The following OTOF variants were observed in gnomAD, a reference collection of about 807,000 sequenced individuals.
The protein encoded by OTOF is otoferlin.
In OTOF, 218 loss-of-function variants were observed where a neutral mutation model predicts 236.8. The observed-to-expected ratio is 0.92, with a 90% CI of 0.82 to 1.03. The LOEUF (loss-of-function observed/expected upper bound fraction) is 1.03, where lower values mean the gene tolerates loss of function less well. Among genes scored for constraint, OTOF ranks in the 50% least tolerant of loss-of-function variants. The pLI, the probability that OTOF is intolerant of heterozygous loss-of-function variation, is 0.00. For synonymous variants in OTOF, 1,041 were observed against 1,072.5 expected (o/e 0.97, Z 0.57); for missense variants, 2,590 against 2,694.4 (o/e 0.96, Z 0.86).
intron 1 of OTOF, 127 bp downstream of exon 1, chr2:26,558,366 C>T (rs1484127138): frequency 3.2e-5 from 26 of 805,014 alleles, no homozygotes; most frequent in Non-Finnish European, 4.8e-5. Context: ...AAAGGCTCGT[C>T]GCCCCAGCCC....
At chr2:26,527,715 A>T in intron 3 of OTOF, 117 bp downstream of exon 3, 1 of 794,558 alleles carries the variant, frequency 1.3e-6, no homozygotes, top group East Asian at 2.4e-5. Context: ...AGATCAATCC[A>T]GGGCAGGTTG....
chr2:26,501,851 G>A (rs755353427), intron 7 of OTOF, 43 bp from the exon 8 acceptor site: 1 of 1,470,278 alleles, frequency 6.8e-7, no homozygotes, highest in East Asian at 2.3e-5. Context: ...TATGGGGACT[G>A]CTTGTTGGGG....
intron 32 of OTOF, among the ~76,000 whole-genome samples, chr2:26,469,167 A>G (rs1323194634): frequency 6.6e-6 from 1 of 152,254 alleles, no homozygotes; most frequent in Non-Finnish European, 1.5e-5. Flanking sequence ...AATGTACAAA[A>G]GTATAACAGT....
rs150580671 is a variant in OTOF at position 26,532,092 on chromosome 2, C to CAAAAAAAAAAAAAA, written c.139-4186_139-4173dup. The stretch of plus-strand genomic sequence containing the variant: ...TGGGTGACAGAGTAAGACTCCACCT[C>CAAAAAAAAAAAAAA]AAAAAAAAAAAAAAAAAAAAAAAGA... On this transcript the variant is annotated intron_variant, in intron 2 of 46. Transcript: ENST00000272371. 2.5e-3 allele frequency among the ~76,000 whole-genome samples: 204 copies of CAAAAAAAAAAAAAA among 80,188 alleles called. 11 individuals carry two copies. The highest frequency in any genetic ancestry group is 0.012 in the African/African-American group (184 of 15,816). The allele number at this position is 80,188 out of a possible 152,430, so 52.6% of individuals were successfully genotyped here.
Position 26,460,853 on chromosome 2 carries a change from G to T in OTOF, c.5711C>A (p.Thr1904Lys). 1 of 1,614,150 alleles carries T rather than the reference G, an allele frequency of 6.2e-7. No individual in the cohort carries two copies. The highest frequency in any genetic ancestry group is 8.5e-7 in the Non-Finnish European group (1 of 1,180,012). ...GCCCGAGCAGGAAGGGGTGCGCACC[G>T]TGAGCTCAAACTCATCGTTCTCATT... is the stretch of plus-strand genomic sequence containing the variant. ...ARNENDEFEL[T>K]GKVEAELHLL... The change falls in exon 44 of 47, where the codon ACG becomes AAG. Residue 1904 changes from threonine to lysine, a missense_variant and splice_region_variant. Coordinates refer to ENST00000272371, the MANE Select transcript of OTOF (RefSeq NM_194248.3). The surrounding 1 kb of genome is among the most constrained non-coding windows in gnomAD (Gnocchi z 5.3).
chr2:26,483,938 G>A (rs1310133669), intron 12 of OTOF, among the ~76,000 whole-genome samples: 3 of 152,208 alleles, frequency 2.0e-5, no homozygotes, highest in Non-Finnish European at 4.4e-5. Flanking sequence ...TTTGTAGATT[G>A]TACATTGGGA....
chr2:26,518,183 T>C (rs1348400619), intron 4 of OTOF, among the ~76,000 whole-genome samples: 1 of 152,226 alleles, frequency 6.6e-6, no homozygotes, highest in African/African-American at 2.4e-5. Flanking sequence ...CATGGCACAG[T>C]CCCATTTTAT....
At chr2:26,517,211 GGGCTTCCT>G (rs1666555424) in intron 4 of OTOF, among the ~76,000 whole-genome samples, 1 of 152,018 alleles carries the variant, frequency 6.6e-6, no homozygotes, top group Non-Finnish European at 1.5e-5. Context: ...AGTCATGATT[GGGCTTCCT>G]GCTCTGCGTC....
intron 16 of OTOF, 51 bp downstream of exon 16, chr2:26,480,152 G>C: frequency 9.5e-7 from 1 of 1,054,896 alleles, no homozygotes; most frequent in Non-Finnish European, 1.5e-6. Context: ...TGAAGCCCCC[G>C]TGGGCCCAGC....
chr2:26,459,992 G>A lies in OTOF; in HGVS notation c.*17+16C>T. The A allele has an allele frequency of 6.4e-7, 1 of 1,554,258 alleles. No homozygotes were observed. The highest frequency in any genetic ancestry group is 8.7e-7 in the Non-Finnish European group (1 of 1,149,030). ...CCTAGCCCTTGGTCCAGAGGAAGAA[G>A]TAAGAAATATCAGACCCAGGAGGCC... On this transcript the variant is annotated intron_variant, in intron 46 of 46. Transcript: ENST00000272371.
chr2:26,502,241 G>A, intron 7 of OTOF, 59 bp downstream of exon 7: 1 of 1,599,546 alleles, frequency 6.3e-7, no homozygotes, highest in Non-Finnish European at 8.6e-7. Flanking sequence ...ATCATGGCAA[G>A]CCAGGTCCTG....
chr2:26,481,295 G>A (rs947312450), intron 14 of OTOF, among the ~76,000 whole-genome samples: 3 of 152,224 alleles, frequency 2.0e-5, no homozygotes, highest in Non-Finnish European at 4.4e-5. Context: ...TCTACTTGTA[G>A]GACAGAGCCA....
chr2:26,459,683 T>C (rs1169941518), intron 46 of OTOF, among the ~76,000 whole-genome samples: 2 of 152,176 alleles, frequency 1.3e-5, no homozygotes, highest in African/African-American at 4.8e-5. Flanking sequence ...CTACCCTAAT[T>C]TGCTGGGTAA....
At chr2:26,483,388 G>T in intron 13 of OTOF, 74 bp downstream of exon 13, 2 of 1,381,936 alleles carry the variant, frequency 1.4e-6, no homozygotes, top group Non-Finnish European at 2.1e-6. Flanking sequence ...GCTGCCCCAG[G>T]CCCCACACCC....
rs760998686 is a variant in OTOF, at chr2:26,482,403, G to A, written c.1579+3C>T. On this transcript the variant is annotated splice_donor_region_variant and intron_variant, in intron 14 of 46. Coordinates refer to ENST00000272371, the MANE Select transcript of OTOF (RefSeq NM_194248.3). ...CCAGCACACCGGGTCTCCCGCTGCT[G>A]ACCTTTGTCTCCGTCATTAGAAATC... 6.2e-7 allele frequency: 1 copy of A among 1,612,996 alleles called. No homozygotes were observed. Among genetic ancestry groups the A allele is most frequent in the South Asian group, 1.1e-5 (1 of 91,024 alleles).
intron 4 of OTOF, among the ~76,000 whole-genome samples, chr2:26,517,743 C>T (rs1666571180): frequency 6.6e-6 from 1 of 152,192 alleles, no homozygotes; most frequent in African/African-American, 2.4e-5. Flanking sequence ...TTCATTGTTC[C>T]CATTCATAAC....
Position 26,529,903 on chromosome 2 carries a change from C to T in OTOF, c.139-1983G>A, listed in dbSNP as rs567073705. Among the ~76,000 whole-genome samples the T allele has an allele frequency of 3.1e-4, 47 of 152,140 alleles. No homozygotes were observed. In the East Asian group the frequency reaches 8.5e-3, roughly 28 times the overall value. On this transcript the variant is annotated intron_variant, in intron 2 of 46. Coordinates refer to ENST00000272371, the MANE Select transcript of OTOF (RefSeq NM_194248.3). ...AGAGTCCCAGGAAGTGGAGGCAGCC[C>T]GGCCCACAGGCCTCATTCAGCGGCT...
chr2:26,518,920 C>T, intron 4 of OTOF, 90 bp downstream of exon 4: 1 of 924,918 alleles, frequency 1.1e-6, no homozygotes, highest in Non-Finnish European at 1.7e-6. Flanking sequence ...GAGAGGCATT[C>T]CCCAGACCAC....
chr2:26,519,108 G>A lies in OTOF; in HGVS notation c.229C>T (p.Leu77Phe), dbSNP rs368178451. Residue 77 changes from leucine to phenylalanine, a missense_variant and splice_region_variant, in exon 4 of 47, where the codon CTC becomes TTC. By Grantham distance (22) the Leu-to-Phe change is conservative. This residue lies in a region of OTOF where 1,379 missense variants were observed against 1,341.6 expected (regional missense o/e 1.03). Transcript: ENST00000272371. ...FNYSKVFSNKLIGTFRMVLQK... is the reference protein window; with the variant it reads ...FNYSKVFSNKFIGTFRMVLQK... Reference sequence around the variant, plus strand: ...AGCACCATGCGGAAGGTCCCGATGAGCCTGGGGATGGCAGAGGGGGCACGG... The same window carrying A: ...AGCACCATGCGGAAGGTCCCGATGAACCTGGGGATGGCAGAGGGGGCACGG... 46 of 1,591,762 alleles carry A rather than the reference G, an allele frequency of 2.9e-5. 1 individual carries two copies. The highest frequency in any genetic ancestry group is 3.9e-5 in the Non-Finnish European group (45 of 1,164,698).
Sources: allele counts gnomAD v4.1 joint callset (sites outside exome capture counted in the v4.1 genomes callset), GRCh38; gene constraint gnomAD v4.1.1; regional missense constraint gnomAD v4.1.1; non-coding constraint Gnocchi (gnomAD v3.1); transcripts MANE v1.5; gene names NCBI Gene and HGNC (gene_info 2026-07-23, HGNC 2026-07-21).